The following RBFOX1 variants were observed in gnomAD, a reference collection of about 807,000 sequenced individuals.
RBFOX1 encodes the protein RNA binding fox-1 homolog 1.
In RBFOX1, 8 loss-of-function variants were observed where a neutral mutation model predicts 57.7. That is an observed-to-expected ratio of 0.14 (90% CI 0.08 to 0.25). RBFOX1 has a LOEUF of 0.25. Among genes scored for constraint, RBFOX1 ranks in the 10% least tolerant of loss-of-function variants. The pLI is 1.00. For missense variants in RBFOX1, 611 were observed against 548.5 expected (o/e 1.11, Z -1.14); for synonymous variants, 326 against 222.4 (o/e 1.47, Z -4.15).
chr16:5,930,247 T>G (rs1380766401), intron 4 of RBFOX1, among the ~76,000 whole-genome samples: 1 of 77,822 alleles, frequency 1.3e-5, no homozygotes, highest in Non-Finnish European at 2.5e-5. Flanking sequence ...GGATGGATGC[T>G]TGGATGTATA....
intron 3 of RBFOX1, among the ~76,000 whole-genome samples, chr16:5,811,453 A>ATTTT (rs56359632): frequency 7.0e-6 from 1 of 143,030 alleles, no homozygotes; most frequent in East Asian, 2.1e-4. Flanking sequence ...GGAACAAAGT[A>ATTTT]TTTTTTTTTT....
intron 3 of RBFOX1, among the ~76,000 whole-genome samples, chr16:6,804,401 C>T (rs2086229990): frequency 1.3e-5 from 2 of 152,068 alleles, no homozygotes; most frequent in Admixed American, 6.6e-5. Context: ...CCCATCTAGC[C>T]CTGCAGTATT....
intron 6 of RBFOX1, among the ~76,000 whole-genome samples, chr16:7,581,639 G>C (rs543136777): frequency 2.0e-5 from 3 of 152,054 alleles, no homozygotes; most frequent in Admixed American, 6.6e-5. Flanking sequence ...ACAGAGGTAG[G>C]GTAGACGGCA....
At chr16:7,274,604 T>G (rs1244068663) in intron 4 of RBFOX1, among the ~76,000 whole-genome samples, 1 of 152,152 alleles carries the variant, frequency 6.6e-6, no homozygotes. Context: ...ATGGGCCACG[T>G]TTGAAGGGTT....
chr16:6,903,516 G>A (rs1414737678), intron 3 of RBFOX1, among the ~76,000 whole-genome samples: 1 of 152,130 alleles, frequency 6.6e-6, no homozygotes, highest in South Asian at 2.1e-4. Context: ...TACATGATGT[G>A]GGGGAAGCAC....
chr16:5,293,747 G>T (rs140865346), intron 1 of RBFOX1, among the ~76,000 whole-genome samples: 1 of 151,814 alleles, frequency 6.6e-6, no homozygotes, highest in African/African-American at 2.4e-5. Flanking sequence ...GCCAGGTGCT[G>T]GGGGAAAGGG....
chr16:5,273,224 ATT>A (rs748241159), intron 1 of RBFOX1, among the ~76,000 whole-genome samples: 8 of 137,624 alleles, frequency 5.8e-5, no homozygotes, highest in Non-Finnish European at 4.8e-5. Context: ...ATTGCTTTCA[ATT>A]TTTTTTTTTT....
chr16:6,360,323 T>A (rs1204592786), intron 2 of RBFOX1, among the ~76,000 whole-genome samples: 1 of 152,126 alleles, frequency 6.6e-6, no homozygotes, highest in Non-Finnish European at 1.5e-5. Flanking sequence ...CAAGAAAAAC[T>A]TGGACTGTTA....
At chr16:6,320,266 A>C (rs780546704) in intron 2 of RBFOX1, among the ~76,000 whole-genome samples, 1 of 152,172 alleles carries the variant, frequency 6.6e-6, no homozygotes, top group Non-Finnish European at 1.5e-5. Flanking sequence ...ATAATAAAGG[A>C]AATTCCATCT....
chr16:5,767,563 T>G (rs2053830574), intron 3 of RBFOX1, among the ~76,000 whole-genome samples: 1 of 152,014 alleles, frequency 6.6e-6, no homozygotes, highest in African/African-American at 2.4e-5. Flanking sequence ...CTGCGTGAGT[T>G]TCCAAGCTCA....
At chr16:6,763,515 T>C (rs2076922676) in intron 3 of RBFOX1, among the ~76,000 whole-genome samples, 1 of 152,194 alleles carries the variant, frequency 6.6e-6, no homozygotes, top group Non-Finnish European at 1.5e-5. Flanking sequence ...TCCAACCTGG[T>C]TGACTTGGGT....
At chr16:6,530,968 C>T (rs2096649785) in intron 2 of RBFOX1, among the ~76,000 whole-genome samples, 1 of 152,184 alleles carries the variant, frequency 6.6e-6, no homozygotes. Flanking sequence ...AAACCCCAAT[C>T]ACCTCCCTTC....
intron 3 of RBFOX1, among the ~76,000 whole-genome samples, chr16:6,658,206 A>G (rs917022911): frequency 1.3e-5 from 2 of 151,876 alleles, no homozygotes; most frequent in African/African-American, 4.8e-5. Flanking sequence ...ATGATAGAAG[A>G]TAAACTGTGA....
chr16:5,512,807 C>G (rs2043651735), intron 2 of RBFOX1, among the ~76,000 whole-genome samples: 1 of 152,116 alleles, frequency 6.6e-6, no homozygotes, highest in Non-Finnish European at 1.5e-5. Context: ...ATTAGGATTC[C>G]TTTAGTTCTT....
intron 4 of RBFOX1, among the ~76,000 whole-genome samples, chr16:7,438,473 C>T (rs2098740019): frequency 6.6e-6 from 1 of 152,096 alleles, no homozygotes; most frequent in African/African-American, 2.4e-5. Context: ...GATGGCGGGA[C>T]AATAACTGCT....
chr16:5,961,077 G>A (rs755016845), intron 4 of RBFOX1, among the ~76,000 whole-genome samples: 2 of 152,152 alleles, frequency 1.3e-5, no homozygotes, highest in African/African-American at 4.8e-5. Flanking sequence ...TGAGAAATGT[G>A]TTTTCCAGGA....
At chr16:6,476,804 C>T (rs886144405) in intron 2 of RBFOX1, among the ~76,000 whole-genome samples, 4 of 152,156 alleles carry the variant, frequency 2.6e-5, no homozygotes, top group African/African-American at 9.7e-5. Context: ...AGCATTTTAC[C>T]TAACGTAGAA....
At chr16:7,145,327 C>T (rs140105796) in intron 4 of RBFOX1, among the ~76,000 whole-genome samples, 1,895 of 152,236 alleles carry the variant, frequency 0.012, 58 homozygotes, top group East Asian at 0.12. Context: ...GCCTTAGCCT[C>T]CCGATTAGCT....
At chr16:6,147,540 C>G (rs753510050) in intron 1 of RBFOX1, among the ~76,000 whole-genome samples, 1 of 152,016 alleles carries the variant, frequency 6.6e-6, no homozygotes, top group Non-Finnish European at 1.5e-5. Context: ...TTAAAGGTCC[C>G]CAATAGGAGC....
Sources: allele counts gnomAD v4.1 joint callset (sites outside exome capture counted in the v4.1 genomes callset), GRCh38; gene constraint gnomAD v4.1.1; transcripts MANE v1.5; gene names NCBI Gene and HGNC (gene_info 2026-07-23, HGNC 2026-07-21).